The following LRRTM4 variants were observed in gnomAD, a reference collection of about 807,000 sequenced individuals.
LRRTM4 encodes leucine-rich repeat transmembrane neuronal protein 4.
A neutral mutation model predicts 47.6 loss-of-function variants in LRRTM4; 25 were observed. The observed-to-expected ratio is 0.53, with a 90% CI of 0.38 to 0.73. LRRTM4 has a LOEUF of 0.73. LRRTM4 is among the 30% of genes least tolerant of loss of function. The probability of loss-of-function intolerance (pLI) is 0.00; values close to 1 mark genes in which losing one functional copy is unlikely to be tolerated. For missense variants in LRRTM4, 638 were observed against 713.4 expected, an observed-to-expected ratio of 0.89 and a Z score of 1.20; for synonymous variants, 311 against 269.5, an observed-to-expected ratio of 1.15 and a Z score of -1.51.
chr2:77,460,861 T>C (rs935791853), intron 3 of LRRTM4, among the ~76,000 whole-genome samples: 1 of 152,104 alleles, frequency 6.6e-6, no homozygotes, highest in African/African-American at 2.4e-5. Context: ...ATAAGGCAGG[T>C]GCATGTCAGT....
rs375906736 is a variant in LRRTM4 at position 77,097,184 on chromosome 2, G to C, written c.1552-348268C>G. ...ATAAAAATGACACCTGGAAGATATT[G>C]TAATTCTTATGTTTCATGTGCTTAT... On this transcript the variant is annotated intron_variant, in intron 3 of 3. Coordinates refer to ENST00000409884, the MANE Select transcript of LRRTM4 (RefSeq NM_001134745.3). 3.7e-4 allele frequency among the ~76,000 whole-genome samples: 56 copies of C among 151,912 alleles called. 1 individual carries two copies. Among genetic ancestry groups the C allele is most frequent in the East Asian group, 2.3e-3 (12 of 5,162 alleles).
chr2:76,974,163 T>TACATAC (rs1330667211), intron 3 of LRRTM4, among the ~76,000 whole-genome samples: 4 of 139,036 alleles, frequency 2.9e-5, no homozygotes, highest in South Asian at 2.1e-4. Flanking sequence ...TACATATATA[T>TACATAC]ATATACATAC....
At chr2:76,972,709 A>G (rs1479762737) in intron 3 of LRRTM4, among the ~76,000 whole-genome samples, 1 of 151,886 alleles carries the variant, frequency 6.6e-6, no homozygotes, top group Non-Finnish European at 1.5e-5. Flanking sequence ...TATGATCCAC[A>G]ACGCCCAGCC....
At chr2:76,907,577 A>G (rs933199205) in intron 3 of LRRTM4, among the ~76,000 whole-genome samples, 42 of 143,972 alleles carry the variant, frequency 2.9e-4, no homozygotes, top group Non-Finnish European at 5.9e-4. Context: ...AAGGATCAAC[A>G]AAATTGATAG....
chr2:77,309,220 A>T (rs1677377735), intron 3 of LRRTM4, among the ~76,000 whole-genome samples: 1 of 152,170 alleles, frequency 6.6e-6, no homozygotes, highest in South Asian at 2.1e-4. Context: ...TTAGCATAGA[A>T]ACATGGACTA....
At chr2:76,775,287 C>A (rs928275666) in intron 3 of LRRTM4, among the ~76,000 whole-genome samples, 2 of 152,118 alleles carry the variant, frequency 1.3e-5, no homozygotes, top group Non-Finnish European at 2.9e-5. Flanking sequence ...TGGTTATCTT[C>A]CACAACATTG....
chr2:77,324,559 A>T (rs372190900), intron 3 of LRRTM4, among the ~76,000 whole-genome samples: 1 of 152,282 alleles, frequency 6.6e-6, no homozygotes, highest in South Asian at 2.1e-4. Context: ...CATTCACATC[A>T]GCCCTGAGAC....
chr2:77,381,718 T>A (rs990842792), intron 3 of LRRTM4, among the ~76,000 whole-genome samples: 8 of 152,202 alleles, frequency 5.3e-5, no homozygotes, highest in African/African-American at 1.9e-4. Context: ...AGCTTTGTAG[T>A]AGATGATATA....
intron 3 of LRRTM4, among the ~76,000 whole-genome samples, chr2:77,090,963 C>G (rs1006035262): frequency 6.6e-6 from 1 of 152,078 alleles, no homozygotes; most frequent in African/African-American, 2.4e-5. Flanking sequence ...CTACCCGCTC[C>G]ACATTACCTT....
intron 3 of LRRTM4, among the ~76,000 whole-genome samples, chr2:76,807,411 T>TATATATATATACACAC (rs1553412585): frequency 0.03 from 2,565 of 85,888 alleles, 78 homozygotes; most frequent in African/African-American, 0.049. Flanking sequence ...TATATACGTA[T>TATATATATATACACAC]ATATATATAT....
chr2:77,481,461 T>G (rs972053649), intron 3 of LRRTM4, among the ~76,000 whole-genome samples: 3 of 152,186 alleles, frequency 2.0e-5, no homozygotes, highest in African/African-American at 7.2e-5. Flanking sequence ...TTAGGGTAAA[T>G]GGATTCTACC....
intron 3 of LRRTM4, among the ~76,000 whole-genome samples, chr2:76,793,499 AATT>A (rs1478841221): frequency 1.3e-5 from 2 of 152,124 alleles, no homozygotes; most frequent in Non-Finnish European, 2.9e-5. Context: ...GATTTTGATT[AATT>A]ATTTGTGGAC....
intron 3 of LRRTM4, among the ~76,000 whole-genome samples, chr2:77,215,187 A>G (rs578059991): frequency 1.3e-5 from 2 of 152,294 alleles, no homozygotes; most frequent in South Asian, 4.1e-4. Context: ...ATAATTAATT[A>G]TGTAATGATC....
intron 3 of LRRTM4, among the ~76,000 whole-genome samples, chr2:77,063,517 AATG>A (rs1343171657): frequency 6.6e-6 from 1 of 152,166 alleles, no homozygotes; most frequent in African/African-American, 2.4e-5. Flanking sequence ...AGCTTTTTTT[AATG>A]ATATCAATTG....
intron 3 of LRRTM4, among the ~76,000 whole-genome samples, chr2:76,861,812 C>T (rs1281340736): frequency 3.3e-5 from 5 of 152,152 alleles, no homozygotes; most frequent in African/African-American, 7.2e-5. Context: ...TTTCCCATGA[C>T]ATAAAGGAAT....
At chr2:77,466,115 T>A (rs1293863667) in intron 3 of LRRTM4, among the ~76,000 whole-genome samples, 1 of 152,196 alleles carries the variant, frequency 6.6e-6, no homozygotes, top group Non-Finnish European at 1.5e-5. Context: ...ATGGGATACA[T>A]TTCTTAGAAA....
chr2:77,240,686 C>T (rs1027209784), intron 3 of LRRTM4, among the ~76,000 whole-genome samples: 5 of 151,830 alleles, frequency 3.3e-5, no homozygotes, highest in South Asian at 2.1e-4. Context: ...AAAATGCTAC[C>T]GCCACTATTA....
chr2:76,930,328 ACGCATG>A (rs1358024677), intron 3 of LRRTM4, among the ~76,000 whole-genome samples: 8 of 152,128 alleles, frequency 5.3e-5, no homozygotes, highest in African/African-American at 1.7e-4. Flanking sequence ...GTGCGTGTGC[ACGCATG>A]CGTGCACACA....
chr2:77,440,285 G>A (rs946247188), intron 3 of LRRTM4, among the ~76,000 whole-genome samples: 13 of 152,044 alleles, frequency 8.6e-5, no homozygotes, highest in African/African-American at 2.7e-4. Flanking sequence ...GTGGTGGCGG[G>A]CGCCTGTAGT....
Sources: gnomAD v4.1 joint callset for allele counts (sites outside exome capture counted in the v4.1 genomes callset) on GRCh38, gnomAD v4.1.1 for gene constraint, MANE v1.5 for transcripts, NCBI Gene and HGNC (gene_info 2026-07-23, HGNC 2026-07-21) for gene names.